LRRC3C: variants seen among roughly 807,000 people sequenced by gnomAD.
LRRC3C encodes leucine rich repeat containing 3C.
In LRRC3C, 11 loss-of-function variants were observed where a neutral mutation model predicts 14.8. The observed-to-expected ratio is 0.74, with a 90% CI of 0.47 to 1.23. LRRC3C has a LOEUF of 1.23. Among genes scored for constraint, LRRC3C ranks in the 50% most tolerant of loss-of-function variants. The pLI is 0.00. For missense variants in LRRC3C, 354 were observed against 361.8 expected, an observed-to-expected ratio of 0.98 and a Z score of 0.18; for synonymous variants, 149 against 161.5, an observed-to-expected ratio of 0.92 and a Z score of 0.59.
chr17:39,938,198 T>G (rs1978850081), intron 2 of LRRC3C, among the ~76,000 whole-genome samples: 2 of 152,150 alleles, frequency 1.3e-5, no homozygotes, highest in African/African-American at 4.8e-5. Flanking sequence ...TCAGCAGTTT[T>G]CAAAACTGCC....
At chr17:39,943,704 A>G (rs1978996096) in intron 3 of LRRC3C, among the ~76,000 whole-genome samples, 1 of 152,172 alleles carries the variant, frequency 6.6e-6, no homozygotes, top group Admixed American at 6.5e-5. Flanking sequence ...ACCCTAAAAG[A>G]GTTTCAAGTG....
At chr17:39,928,882 A>AC (rs1978565736) in intron 1 of LRRC3C, among the ~76,000 whole-genome samples, 1 of 152,216 alleles carries the variant, frequency 6.6e-6, no homozygotes, top group South Asian at 2.1e-4. Context: ...CTTAGTGGTC[A>AC]CCAGGCAGGT....
intron 1 of LRRC3C, among the ~76,000 whole-genome samples, chr17:39,935,302 T>A (rs1468833550): frequency 6.6e-6 from 1 of 151,922 alleles, no homozygotes; most frequent in Non-Finnish European, 1.5e-5. Flanking sequence ...CCTGTCACCT[T>A]CTCGGTGCAG....
chr17:39,933,961 G>A (rs1978728564), intron 1 of LRRC3C, among the ~76,000 whole-genome samples: 1 of 152,210 alleles, frequency 6.6e-6, no homozygotes. Flanking sequence ...GGAAGAAGGA[G>A]GGGGAGGGGA....
At chr17:39,939,034 A>C (rs1272310228) in intron 2 of LRRC3C, among the ~76,000 whole-genome samples, 2 of 152,004 alleles carry the variant, frequency 1.3e-5, no homozygotes, top group African/African-American at 4.8e-5. Context: ...AAAAAAAAAA[A>C]AAGGTAGGGA....
chr17:39,935,808 A>G lies in LRRC3C; in HGVS notation c.-168A>G. ...CCCTTGCTCTTTTCTACAGGGAACA[A>G]CAATAGCAGAGGCCTTTGTTGCCCT... On this transcript the variant is annotated 5_prime_UTR_variant, in exon 2 of 4. Transcript: ENST00000377924. 1 of 985,468 alleles carries G rather than the reference A, an allele frequency of 1.0e-6. No homozygotes were observed. The highest frequency in any genetic ancestry group is 1.2e-6 in the Non-Finnish European group (1 of 829,930). 61.0% of individuals were successfully genotyped at this position (985,468 alleles called of 1,614,324 possible).
At chr17:39,933,482 C>G (rs943038868) in intron 1 of LRRC3C, among the ~76,000 whole-genome samples, 7 of 152,192 alleles carry the variant, frequency 4.6e-5, no homozygotes, top group Non-Finnish European at 1.0e-4. Context: ...CGCCTGTAAT[C>G]CCAGCACTTT....
At position 39,944,933 on chromosome 17, in the gene LRRC3C, T is replaced by C. The variant is rs1439350710; in HGVS notation, c.*199T>C. On this transcript the variant is annotated 3_prime_UTR_variant, in exon 4 of 4. Coordinates refer to ENST00000377924, the MANE Select transcript of LRRC3C (RefSeq NM_001195545.2). ...TCGTCTTAACCAACACCATCTTTGGTGCCTGGAGTTTTTTGGTGCCTACTC... is the reference window on the plus strand; with the variant it reads ...TCGTCTTAACCAACACCATCTTTGGCGCCTGGAGTTTTTTGGTGCCTACTC... Among the ~76,000 whole-genome samples, 1 of 151,194 alleles carries C rather than the reference T, an allele frequency of 6.6e-6. No homozygotes were observed. The highest frequency in any genetic ancestry group is 2.4e-5 in the African/African-American group (1 of 41,086).
At chr17:39,937,487 C>T (rs1050375405) in intron 2 of LRRC3C, among the ~76,000 whole-genome samples, 11 of 151,596 alleles carry the variant, frequency 7.3e-5, no homozygotes, top group South Asian at 2.1e-4. Flanking sequence ...CTTTTTAATC[C>T]ATAAGCCACG....
chr17:39,944,043 A>T lies in LRRC3C; in HGVS notation c.137A>T (p.Gln46Leu). 3.9e-6 allele frequency: 6 copies of T among 1,536,068 alleles called. No individual in the cohort carries two copies. The highest frequency in any genetic ancestry group is 1.4e-5 in the African/African-American group (1 of 73,142). ...IGTGGTVPSP[Q>L]VPPRGCYVAK... is the part of the protein sequence containing the mutation. The stretch of plus-strand genomic sequence containing the variant: ...ACAGGGGGTACTGTGCCCAGCCCCC[A>T]GGTGCCTCCCCGGGGCTGTTATGTG... The change falls in exon 4 of 4, where the codon CAG becomes CTG. Residue 46 changes from glutamine (Q) to leucine (L), a missense_variant. By Grantham distance (113) the Gln-to-Leu change is moderately radical. Coordinates refer to ENST00000377924, the MANE Select transcript of LRRC3C (RefSeq NM_001195545.2).
At chr17:39,943,492 C>T (rs1978991019) in intron 3 of LRRC3C, among the ~76,000 whole-genome samples, 1 of 152,212 alleles carries the variant, frequency 6.6e-6, no homozygotes. Context: ...GTCGCTCATC[C>T]GTCCCCTTGT....
Position 39,944,451 on chromosome 17 carries a change from G to A in LRRC3C, c.545G>A (p.Gly182Glu). The change falls in exon 4 of 4, where the codon GGG becomes GAG. Residue 182 changes from glycine (G) to glutamate (E), a missense_variant. Coordinates refer to ENST00000377924, the MANE Select transcript of LRRC3C (RefSeq NM_001195545.2). ...LRQVRLVPGT[G>E]TGIVCGSGAR... ...CAGGTGAGGCTGGTGCCGGGCACTG[G>A]GACAGGCATCGTGTGTGGCTCAGGA... 1 of 1,487,478 alleles carries A rather than the reference G, an allele frequency of 6.7e-7. No homozygotes were observed. The highest frequency in any genetic ancestry group is 8.9e-7 in the Non-Finnish European group (1 of 1,120,676). The allele number at this position is 1,487,478 out of a possible 1,614,324, so 92.1% of individuals were successfully genotyped here. A position where few individuals can be genotyped will look rare whatever the true frequency, so the allele number is the denominator to read the frequency against.
chr17:39,940,068 C>G (rs1186728304), intron 2 of LRRC3C, among the ~76,000 whole-genome samples: 5 of 152,244 alleles, frequency 3.3e-5, no homozygotes, highest in Non-Finnish European at 7.3e-5. Flanking sequence ...AAGTAGCCAG[C>G]AGCAGAGTGT....
chr17:39,928,680 G>C (rs997099845), intron 1 of LRRC3C, among the ~76,000 whole-genome samples: 3 of 152,228 alleles, frequency 2.0e-5, no homozygotes, highest in African/African-American at 7.2e-5. Context: ...AAGGTCAGAT[G>C]ATGTCATGGC....
chr17:39,939,203 T>G, intron 2 of LRRC3C: 4 of 243,238 alleles, frequency 1.6e-5, no homozygotes, highest in Non-Finnish European at 2.0e-5. Context: ...TCTGATGGGC[T>G]GAGATCAATC....
At chr17:39,933,897 T>C (rs535280860) in intron 1 of LRRC3C, among the ~76,000 whole-genome samples, 1 of 152,214 alleles carries the variant, frequency 6.6e-6, no homozygotes, top group Non-Finnish European at 1.5e-5. Context: ...CTTATTTCAT[T>C]GACAGTTGTG....
intron 1 of LRRC3C, chr17:39,929,042 G>C (rs959218653): frequency 1.3e-5 from 2 of 152,240 alleles, no homozygotes; most frequent in Admixed American, 6.5e-5. Context: ...CTGGTTTGTG[G>C]AGGTGCCTTT....
intron 1 of LRRC3C, chr17:39,929,105 C>T (rs1243690451): frequency 6.6e-6 from 1 of 152,228 alleles, no homozygotes; most frequent in Non-Finnish European, 1.5e-5. Flanking sequence ...GTTCTTTTCA[C>T]AGAAACCTCC....
In LRRC3C at chr17:39,935,922, T is replaced by C. The variant is rs1220976741; in HGVS notation, c.-82+28T>C. ...AGCCCTTCCTTATCTATCTTCTCTA[T>C]CTATCTATCTACCTACCTATCTATC... is the stretch of plus-strand genomic sequence containing the variant. On this transcript the variant is annotated intron_variant, in intron 2 of 3. Transcript: ENST00000377924. The C allele has an allele frequency of 2.8e-5, 27 of 963,596 alleles. 1 individual carries two copies. In the Admixed American group the frequency reaches 1.7e-3, roughly 59 times the overall value. 59.7% of individuals were successfully genotyped at this position (963,596 alleles called of 1,614,324 possible).
Sources: allele counts gnomAD v4.1 joint callset (sites outside exome capture counted in the v4.1 genomes callset), GRCh38; gene constraint gnomAD v4.1.1; transcripts MANE v1.5; gene names NCBI Gene and HGNC (gene_info 2026-07-23, HGNC 2026-07-21).